PARN: variants seen among roughly 807,000 people sequenced by gnomAD.
PARN encodes poly(A)-specific ribonuclease, also known as poly(A)-specific ribonuclease PARN.
PARN carries 71 observed loss-of-function variants against 102.8 expected under a neutral mutation model. The observed-to-expected ratio is 0.69, with a 90% CI of 0.57 to 0.84. The LOEUF is 0.84. PARN is among the 40% of genes least tolerant of loss of function. The pLI is 0.00. For missense variants in PARN, 782 were observed against 760.9 expected, an observed-to-expected ratio of 1.03 and a Z score of -0.33; for synonymous variants, 261 against 252.9, an observed-to-expected ratio of 1.03 and a Z score of -0.30.
intron 21 of PARN, among the ~76,000 whole-genome samples, chr16:14,541,423 G>C (rs1042282448): frequency 2.0e-5 from 3 of 152,094 alleles, no homozygotes; most frequent in South Asian, 2.1e-4. Flanking sequence ...CCATGAAAAA[G>C]TTTGTAGTTT....
At chr16:14,606,136 CAGGCCTGT>C (rs917993758) in intron 10 of PARN, among the ~76,000 whole-genome samples, 2 of 152,154 alleles carry the variant, frequency 1.3e-5, no homozygotes, top group Non-Finnish European at 2.9e-5. Flanking sequence ...CATGGTAGCT[CAGGCCTGT>C]AATCCAGCAC....
At chr16:14,537,505 C>G (rs1403595399) in intron 21 of PARN, among the ~76,000 whole-genome samples, 1 of 152,114 alleles carries the variant, frequency 6.6e-6, no homozygotes, top group African/African-American at 2.4e-5. Flanking sequence ...CAGCACTATT[C>G]ACAATAGCTA....
At chr16:14,438,724 C>A (rs577733660) in intron 23 of PARN, among the ~76,000 whole-genome samples, 1 of 152,346 alleles carries the variant, frequency 6.6e-6, no homozygotes, top group Admixed American at 6.5e-5. Flanking sequence ...GCTGATCCAA[C>A]ATGGAACATG....
chr16:14,592,507 G>A (rs1423489209), intron 13 of PARN, among the ~76,000 whole-genome samples: 8 of 152,226 alleles, frequency 5.3e-5, no homozygotes. Flanking sequence ...GCAGAAGAGG[G>A]AGAGCCAGTA....
intron 5 of PARN, among the ~76,000 whole-genome samples, chr16:14,621,507 A>G (rs1972298145): frequency 6.6e-6 from 1 of 152,176 alleles, no homozygotes; most frequent in African/African-American, 2.4e-5. Context: ...TTTTACCACA[A>G]TTTTTAAGAA....
intron 21 of PARN, among the ~76,000 whole-genome samples, chr16:14,498,891 G>A (rs1046487853): frequency 2.6e-5 from 4 of 152,186 alleles, no homozygotes; most frequent in African/African-American, 9.7e-5. Flanking sequence ...GAGATGATGT[G>A]CTCAATGACT....
intron 14 of PARN, among the ~76,000 whole-genome samples, chr16:14,585,659 G>C (rs1969808253): frequency 6.6e-6 from 1 of 152,166 alleles, no homozygotes; most frequent in Admixed American, 6.6e-5. Flanking sequence ...GACAGTTCTT[G>C]ACTGACTCTT....
intron 21 of PARN, among the ~76,000 whole-genome samples, chr16:14,513,217 G>A (rs928209021): frequency 5.3e-5 from 8 of 152,048 alleles, no homozygotes; most frequent in Admixed American, 3.3e-4. Context: ...GAGCCACTGC[G>A]CCTGGCCAAA....
At chr16:14,546,826 G>A (rs1296952306) in intron 21 of PARN, among the ~76,000 whole-genome samples, 1 of 152,108 alleles carries the variant, frequency 6.6e-6, no homozygotes, top group Non-Finnish European at 1.5e-5. Flanking sequence ...TCCTGGCCAG[G>A]GACAGTGGCT....
chr16:14,447,126 C>T (rs2151557177), intron 22 of PARN, 45 bp from the exon 23 acceptor site: 2 of 1,340,520 alleles, frequency 1.5e-6, no homozygotes, highest in Non-Finnish European at 2.1e-6. Flanking sequence ...CTGAGAGTTA[C>T]AGGAAGACTA....
chr16:14,592,458 C>T (rs1202122212), intron 13 of PARN, among the ~76,000 whole-genome samples: 1 of 152,036 alleles, frequency 6.6e-6, no homozygotes, highest in African/African-American at 2.4e-5. Context: ...CGCAGAGTGG[C>T]GAGGGACAAG....
intron 13 of PARN, among the ~76,000 whole-genome samples, chr16:14,587,236 C>T (rs970523315): frequency 6.6e-6 from 1 of 152,080 alleles, no homozygotes; most frequent in Non-Finnish European, 1.5e-5. Context: ...CATGAACAGG[C>T]GATTTCAATG....
At chr16:14,560,896 C>G (rs1452506630) in intron 18 of PARN, among the ~76,000 whole-genome samples, 2 of 152,222 alleles carry the variant, frequency 1.3e-5, no homozygotes, top group Non-Finnish European at 2.9e-5. Flanking sequence ...TGGCTCACGC[C>G]TATAATCCCA....
At chr16:14,453,650 T>C (rs189441610) in intron 22 of PARN, among the ~76,000 whole-genome samples, 1 of 152,362 alleles carries the variant, frequency 6.6e-6, no homozygotes, top group Admixed American at 6.5e-5. Flanking sequence ...CCTATTTATA[T>C]AGTTTTGCCT....
chr16:14,470,437 G>GATGATGATGATGATGATT (rs369121377), intron 22 of PARN, among the ~76,000 whole-genome samples: 9 of 147,150 alleles, frequency 6.1e-5, no homozygotes, highest in Non-Finnish European at 1.2e-4. Context: ...GAGTTTGGAT[G>GATGATGATGATGATGATT]ATTATTATTA....
intron 21 of PARN, among the ~76,000 whole-genome samples, chr16:14,541,623 A>C (rs576245865): frequency 2.6e-5 from 4 of 152,120 alleles, no homozygotes; most frequent in African/African-American, 9.6e-5. Context: ...TTACAGGTAC[A>C]TGCTACCATG....
chr16:14,450,580 A>G (rs1258130895), intron 22 of PARN, among the ~76,000 whole-genome samples: 1 of 152,164 alleles, frequency 6.6e-6, no homozygotes, highest in Non-Finnish European at 1.5e-5. Flanking sequence ...AATTGTATCT[A>G]TCCAGGCACA....
intron 21 of PARN, among the ~76,000 whole-genome samples, chr16:14,497,287 T>C (rs566570287): frequency 6.6e-6 from 1 of 152,118 alleles, no homozygotes; most frequent in Non-Finnish European, 1.5e-5. Flanking sequence ...ACAGCATTTC[T>C]ATGTGACAAT....
intron 10 of PARN, among the ~76,000 whole-genome samples, chr16:14,604,807 G>C (rs372249931): frequency 3.3e-5 from 5 of 150,032 alleles, no homozygotes; most frequent in East Asian, 2.0e-4. Context: ...GTAGAGACAG[G>C]GTTTCACCAT....
Sources: gnomAD v4.1 joint callset for allele counts (sites outside exome capture counted in the v4.1 genomes callset) on GRCh38, gnomAD v4.1.1 for gene constraint, MANE v1.5 for transcripts, NCBI Gene and HGNC (gene_info 2026-07-23, HGNC 2026-07-21) for gene names.